The following B3GALT1 variants were observed in gnomAD, a reference collection of about 807,000 sequenced individuals.
B3GALT1 encodes UDP-Gal:betaGlcNAc beta 1,3-galactosyltransferase, polypeptide 1.
A neutral mutation model predicts 23.2 loss-of-function variants in B3GALT1; 10 were observed. The observed-to-expected ratio is 0.43, with a 90% CI of 0.27 to 0.73. The LOEUF is 0.73. Ranked by LOEUF, B3GALT1 falls within the 30% of genes least tolerant of loss-of-function variation. The pLI, the probability that B3GALT1 is intolerant of heterozygous loss-of-function variation, is 0.21. For missense variants in B3GALT1, 299 were observed against 405.4 expected (o/e 0.74, Z 2.25); for synonymous variants, 156 against 141.5 (o/e 1.10, Z -0.73).
At chr2:167,867,989 G>A (rs1350291648) in intron 4 of B3GALT1, among the ~76,000 whole-genome samples, 4 of 152,078 alleles carry the variant, frequency 2.6e-5, no homozygotes, top group African/African-American at 9.7e-5. Flanking sequence ...GGGTTTATAG[G>A]CAAATGTAAC....
intron 1 of B3GALT1, among the ~76,000 whole-genome samples, chr2:167,384,769 C>T (rs1697901731): frequency 6.6e-6 from 1 of 152,108 alleles, no homozygotes; most frequent in Non-Finnish European, 1.5e-5. Context: ...CTCATTGAAG[C>T]CAGCATTCAT....
chr2:167,831,640 C>T lies in B3GALT1; in HGVS notation c.-230+12847C>T, dbSNP rs28652769. On this transcript the variant is annotated intron_variant, in intron 4 of 4. Coordinates refer to ENST00000392690, the MANE Select transcript of B3GALT1 (RefSeq NM_020981.4). ...TAGAGGGAAAAAGAGATGGGAGGGA[C>T]GCTTTAAAGGTGGATTACTAAGTGC... Among the ~76,000 whole-genome samples the T allele has an allele frequency of 5.5e-3, 834 of 152,136 alleles. 6 individuals carry two copies. Among genetic ancestry groups the T allele is most frequent in the African/African-American group, 0.019 (772 of 41,486 alleles).
At chr2:167,627,965 A>T (rs936190490) in intron 2 of B3GALT1, among the ~76,000 whole-genome samples, 3 of 151,702 alleles carry the variant, frequency 2.0e-5, no homozygotes, top group Middle Eastern at 3.4e-3. Context: ...ATTTTGAATG[A>T]CGTTTGATGT....
At chr2:167,453,892 C>T (rs188787963) in intron 1 of B3GALT1, among the ~76,000 whole-genome samples, 3 of 152,260 alleles carry the variant, frequency 2.0e-5, no homozygotes, top group Admixed American at 2.0e-4. Flanking sequence ...GATATATCGG[C>T]TAAAGTAACA....
chr2:167,408,151 AAC>A (rs1167285284), intron 1 of B3GALT1, among the ~76,000 whole-genome samples: 1 of 152,034 alleles, frequency 6.6e-6, no homozygotes, highest in African/African-American at 2.4e-5. Context: ...AACTAAACTC[AAC>A]ACATTAGAAA....
intron 2 of B3GALT1, among the ~76,000 whole-genome samples, chr2:167,524,905 C>A (rs906128199): frequency 2.0e-5 from 3 of 152,130 alleles, no homozygotes; most frequent in Non-Finnish European, 4.4e-5. Flanking sequence ...TTTTTAGCAG[C>A]TATGTGGTAT....
At chr2:167,362,040 C>T (rs910025545) in intron 1 of B3GALT1, among the ~76,000 whole-genome samples, 1 of 152,090 alleles carries the variant, frequency 6.6e-6, no homozygotes, top group East Asian at 1.9e-4. Flanking sequence ...CACCACTGCA[C>T]TCCAGCCTGG....
At chr2:167,323,585 C>CT (rs34871162) in intron 1 of B3GALT1, among the ~76,000 whole-genome samples, 1 of 150,772 alleles carries the variant, frequency 6.6e-6, no homozygotes, top group South Asian at 2.1e-4. Context: ...AGTGATAGAG[C>CT]TTTTTTAGGA....
rs575247942 is a variant in B3GALT1 at position 167,320,415 on chromosome 2, C to T, written c.-511+27081C>T. On this transcript the variant is annotated intron_variant, in intron 1 of 4. Transcript: ENST00000392690. ...ATGTTGCTCAGGCTGGTTTTGAACT[C>T]CAGACCTCAGGTGATCTGCCCGCCT... Among the ~76,000 whole-genome samples, 7 of 152,034 alleles carry T rather than the reference C, an allele frequency of 4.6e-5. No homozygotes were observed. The East Asian group carries it at 5.8e-4, about 13-fold the overall frequency.
intron 3 of B3GALT1, among the ~76,000 whole-genome samples, chr2:167,757,052 C>G (rs1329735997): frequency 6.6e-6 from 1 of 152,200 alleles, no homozygotes; most frequent in Non-Finnish European, 1.5e-5. Flanking sequence ...CTTATTCTCT[C>G]AAGCATCCTT....
chr2:167,561,923 A>G (rs1394414829), intron 2 of B3GALT1, among the ~76,000 whole-genome samples: 1 of 152,240 alleles, frequency 6.6e-6, no homozygotes. Flanking sequence ...TCCAGTCAGT[A>G]GAAAAAGAGG....
chr2:167,396,457 A>G (rs954110681), intron 1 of B3GALT1, among the ~76,000 whole-genome samples: 30 of 151,246 alleles, frequency 2.0e-4, no homozygotes, highest in Middle Eastern at 3.2e-3. Context: ...CAAAAAAGTA[A>G]TTTTTTTAGA....
chr2:167,814,609 T>A (rs888717214), intron 3 of B3GALT1, among the ~76,000 whole-genome samples: 2 of 151,606 alleles, frequency 1.3e-5, no homozygotes, highest in African/African-American at 2.4e-5. Context: ...AAAAAAAAAA[T>A]TAGCCAGGCT....
At chr2:167,380,167 C>A (rs549844173) in intron 1 of B3GALT1, among the ~76,000 whole-genome samples, 2 of 152,042 alleles carry the variant, frequency 1.3e-5, no homozygotes, top group Non-Finnish European at 2.9e-5. Context: ...TAGAGGGTGT[C>A]CCCCTGCATG....
intron 1 of B3GALT1, among the ~76,000 whole-genome samples, chr2:167,318,441 A>G (rs1032782511): frequency 6.6e-6 from 1 of 151,990 alleles, no homozygotes; most frequent in Non-Finnish European, 1.5e-5. Context: ...ATTTCTTCCT[A>G]TTTTTATGAG....
At chr2:167,778,025 T>A (rs1558976125) in intron 3 of B3GALT1, among the ~76,000 whole-genome samples, 2 of 152,030 alleles carry the variant, frequency 1.3e-5, no homozygotes, top group Non-Finnish European at 2.9e-5. Flanking sequence ...CTAGCCCAAG[T>A]TGTCAATAGT....
intron 1 of B3GALT1, among the ~76,000 whole-genome samples, chr2:167,420,356 G>A (rs143128423): frequency 2.0e-5 from 3 of 152,216 alleles, no homozygotes; most frequent in South Asian, 2.1e-4. Context: ...ACTAACAAAC[G>A]TAACTACAAG....
At chr2:167,446,906 G>A (rs1228800768) in intron 1 of B3GALT1, among the ~76,000 whole-genome samples, 1 of 152,096 alleles carries the variant, frequency 6.6e-6, no homozygotes, top group Non-Finnish European at 1.5e-5. Flanking sequence ...TGCTGGTGAG[G>A]AGCTACGTTC....
chr2:167,471,384 C>A, intron 1 of B3GALT1, among the ~76,000 whole-genome samples: 1 of 152,100 alleles, frequency 6.6e-6, no homozygotes, highest in East Asian at 1.9e-4. Context: ...AAAAAAAAAT[C>A]TATATACCAA....
Sources: allele counts gnomAD v4.1 joint callset (sites outside exome capture counted in the v4.1 genomes callset), GRCh38; gene constraint gnomAD v4.1.1; transcripts MANE v1.5; gene names NCBI Gene and HGNC (gene_info 2026-07-23, HGNC 2026-07-21).